NKIRAS1: variants seen among roughly 807,000 people sequenced by gnomAD.
The protein encoded by NKIRAS1 is NF-kappa-B inhibitor-interacting Ras-like protein 1.
Under a neutral mutation model 19.8 loss-of-function variants are expected in NKIRAS1, and 16 were observed. That is an observed-to-expected ratio of 0.81 (90% CI 0.55 to 1.23). The LOEUF is 1.23. Among genes scored for constraint, NKIRAS1 ranks in the 50% most tolerant of loss-of-function variants. The pLI is 0.00. For missense variants in NKIRAS1, 184 were observed against 220.0 expected, an observed-to-expected ratio of 0.84 and a Z score of 1.04; for synonymous variants, 88 against 79.0, an observed-to-expected ratio of 1.11 and a Z score of -0.61.
upstream of NKIRAS1, chr3:23,921,064 C>T (rs967838325): frequency 1.3e-5 from 2 of 152,696 alleles, no homozygotes; most frequent in Admixed American, 1.3e-4. Context: ...GGCCTGTAAT[C>T]CTGGCACTTT....
intron 1 of NKIRAS1, chr3:23,946,174 G>A (rs1705696117): frequency 2.0e-6 from 2 of 985,142 alleles, no homozygotes; most frequent in Non-Finnish European, 1.2e-6. Context: ...GTGCGCGCCC[G>A]CTGAGCCCCC....
At chr3:23,943,792 G>A (rs941831667) in intron 1 of NKIRAS1, among the ~76,000 whole-genome samples, 3 of 152,220 alleles carry the variant, frequency 2.0e-5, no homozygotes, top group African/African-American at 4.8e-5. Context: ...ACCGTGATTA[G>A]GGAACTGTGT....
intron 3 of NKIRAS1, among the ~76,000 whole-genome samples, chr3:23,908,079 T>C (rs374749218): frequency 1.2e-4 from 18 of 152,338 alleles, no homozygotes; most frequent in Non-Finnish European, 2.2e-4. Context: ...GTATCCATCA[T>C]CATGAACTTG....
intron 1 of NKIRAS1, among the ~76,000 whole-genome samples, chr3:23,936,993 G>A (rs562929112): frequency 6.4e-4 from 98 of 152,228 alleles, no homozygotes; most frequent in Non-Finnish European, 1.2e-3. Context: ...ACCAGTGGAG[G>A]AGAGCTCCTG....
rs1704589459 is a variant in NKIRAS1 at position 23,916,897 on chromosome 3, G to GT, written c.-254_-253insA. ...CGCGGAGAGACAGTCGCCGACGCTCGCTTAGCCGCCGAGACCTCGCCGCCA... is the reference window on the plus strand; with the variant it reads ...CGCGGAGAGACAGTCGCCGACGCTCGTCTTAGCCGCCGAGACCTCGCCGCCA... On this transcript the variant is annotated 5_prime_UTR_variant, in exon 1 of 5. Coordinates refer to ENST00000425478, the MANE Select transcript of NKIRAS1 (RefSeq NM_020345.4). The GT allele has an allele frequency of 1.3e-5, 2 of 152,744 alleles. No homozygotes were observed. The allele number at this position is 152,744 out of a possible 1,614,324, so 9.5% of individuals were successfully genotyped here.
At position 23,933,809 on chromosome 3, in the gene NKIRAS1, T is replaced by G. The variant is rs142895683; in HGVS notation, c.-140+12514A>C. 4.0e-3 allele frequency among the ~76,000 whole-genome samples: 604 copies of G among 152,306 alleles called. 4 individuals are homozygous for G. Among genetic ancestry groups the G allele is most frequent in the African/African-American group, 0.013 (539 of 41,564 alleles). ...CTTAAAGAACATTTATTTATCACACTTTTGGAGCTGGAAAGTCCAAGATCA... is the reference window on the plus strand; with the variant it reads ...CTTAAAGAACATTTATTTATCACACGTTTGGAGCTGGAAAGTCCAAGATCA... On this transcript the variant is annotated intron_variant, in intron 1 of 4. Transcript: ENST00000421515.
upstream of NKIRAS1, chr3:23,918,351 TTTTTGGTGGA>T: frequency 7.0e-7 from 1 of 1,425,174 alleles, no homozygotes. Flanking sequence ...TGTTGAAGTA[TTTTTGGTGGA>T]GTATTAGTGA....
At chr3:23,929,141 C>G (rs1705263395) in intron 1 of NKIRAS1, among the ~76,000 whole-genome samples, 1 of 151,938 alleles carries the variant, frequency 6.6e-6, no homozygotes, top group African/African-American at 2.4e-5. Context: ...AGGGGCAGAC[C>G]ACTTGAGGTC....
chr3:23,940,808 G>A (rs887159125), intron 1 of NKIRAS1, among the ~76,000 whole-genome samples: 4 of 152,096 alleles, frequency 2.6e-5, no homozygotes, highest in African/African-American at 7.2e-5. Flanking sequence ...TGAATGGAAC[G>A]GTAAAGAAAA....
Position 23,931,984 on chromosome 3 carries a change from G to C in NKIRAS1, c.-140+14339C>G, listed in dbSNP as rs373623362. Reference sequence around the variant, plus strand: ...CCTGCTGCTGTTTTTTAATTTTGAGGGGAGAGATGTGGGAGAACTTTTGTA... The same window carrying C: ...CCTGCTGCTGTTTTTTAATTTTGAGCGGAGAGATGTGGGAGAACTTTTGTA... On this transcript the variant is annotated intron_variant, in intron 1 of 4. Coordinates refer to the NKIRAS1 transcript ENST00000421515. 4.6e-5 allele frequency among the ~76,000 whole-genome samples: 7 copies of C among 152,276 alleles called. 1 individual carries two copies. The highest frequency in any genetic ancestry group is 6.5e-5 in the Admixed American group (1 of 15,308).
At position 23,890,588 on chromosome 3, in the gene NKIRAS1, C is replaced by T; in HGVS notation, c.*2507G>A. Reference sequence around the variant, plus strand: ...ATGACAGAATGGCCAGACAGTGGACCAAGAGATACGCTACATAAATTGGGG... The same window carrying T: ...ATGACAGAATGGCCAGACAGTGGACTAAGAGATACGCTACATAAATTGGGG... On this transcript the variant is annotated 3_prime_UTR_variant, in exon 5 of 5. Coordinates refer to ENST00000425478, the MANE Select transcript of NKIRAS1 (RefSeq NM_020345.4). 5 of 1,608,406 alleles carry T rather than the reference C, an allele frequency of 3.1e-6. No homozygotes were observed. Among genetic ancestry groups the T allele is most frequent in the Non-Finnish European group, 4.2e-6 (5 of 1,176,704 alleles).
chr3:23,916,550 G>A (rs1181035600), intron 1 of NKIRAS1: 3 of 152,282 alleles, frequency 2.0e-5, no homozygotes, highest in Non-Finnish European at 2.9e-5. Flanking sequence ...CCTGCTGGAG[G>A]AGCTTCACGC....
intron 1 of NKIRAS1, among the ~76,000 whole-genome samples, chr3:23,931,961 T>C (rs927773255): frequency 6.6e-6 from 1 of 152,234 alleles, no homozygotes; most frequent in African/African-American, 2.4e-5. Flanking sequence ...CAGCAGAGCC[T>C]GCTGCTGTTT....
upstream of NKIRAS1, chr3:23,921,854 C>A: frequency 2.0e-6 from 1 of 502,236 alleles, no homozygotes; most frequent in Non-Finnish European, 3.5e-6. Context: ...GGATTACAGG[C>A]GTGAGCCACC....
At chr3:23,933,771 G>A (rs73822604) in intron 1 of NKIRAS1, among the ~76,000 whole-genome samples, 5 of 152,228 alleles carry the variant, frequency 3.3e-5, no homozygotes, top group South Asian at 2.1e-4. Context: ...ACAAATTACT[G>A]TAGGCTGGGT....
At chr3:23,932,460 G>A (rs1432771481) in intron 1 of NKIRAS1, among the ~76,000 whole-genome samples, 2 of 151,962 alleles carry the variant, frequency 1.3e-5, no homozygotes, top group African/African-American at 2.4e-5. Flanking sequence ...AGGCCGAGGC[G>A]GGCGGATCAC....
chr3:23,917,630 A>G, upstream of NKIRAS1: 1 of 482,642 alleles, frequency 2.1e-6, no homozygotes, highest in Non-Finnish European at 3.7e-6. Context: ...CCCCACCAAA[A>G]CGTGCCGAGC....
chr3:23,919,062 A>C, upstream of NKIRAS1: 3 of 646,782 alleles, frequency 4.6e-6, no homozygotes, highest in East Asian at 2.6e-5. Flanking sequence ...TCTAGGGAGA[A>C]ATGCTTAGTA....
intron 3 of NKIRAS1, among the ~76,000 whole-genome samples, chr3:23,903,707 A>G (rs1164092058): frequency 6.6e-6 from 1 of 152,210 alleles, no homozygotes; most frequent in Non-Finnish European, 1.5e-5. Flanking sequence ...AAGGGGCAAT[A>G]AGAAAATTCA....
Sources: gnomAD v4.1 joint callset for allele counts (sites outside exome capture counted in the v4.1 genomes callset) on GRCh38, gnomAD v4.1.1 for gene constraint, MANE v1.5 for transcripts, NCBI Gene and HGNC (gene_info 2026-07-23, HGNC 2026-07-21) for gene names.